IMMP2L: variants seen among roughly 807,000 people sequenced by gnomAD.
The protein encoded by IMMP2L is inner mitochondrial membrane peptidase subunit 2.
IMMP2L carries 18 observed loss-of-function variants against 19.3 expected under a neutral mutation model. That is an observed-to-expected ratio of 0.93 (90% CI 0.64 to 1.38). IMMP2L has a LOEUF of 1.38. Among genes scored for constraint, IMMP2L ranks in the 40% most tolerant of loss-of-function variants. The pLI, the probability that IMMP2L is intolerant of heterozygous loss-of-function variation, is 0.00. For synonymous variants in IMMP2L, 76 were observed against 73.0 expected (o/e 1.04, Z -0.21); for missense variants, 233 against 218.2 (o/e 1.07, Z -0.43).
At position 110,689,515 on chromosome 7, in the gene IMMP2L, A is replaced by G. The variant is rs191796486; in HGVS notation, c.409-25794T>C. Among the ~76,000 whole-genome samples the G allele has an allele frequency of 2.6e-5, 4 of 152,134 alleles. No homozygotes were observed. In the East Asian group the frequency reaches 7.8e-4, roughly 29 times the overall value. On this transcript the variant is annotated intron_variant, in intron 5 of 5. Transcript: ENST00000405709. The stretch of plus-strand genomic sequence containing the variant: ...TTGAGTTTTAATTTCAAACTGCTAT[A>G]TTTTTCATTTCTAAAAGTCAGCTTT...
intron 3 of IMMP2L, 114 bp downstream of exon 3, chr7:111,487,124 A>G (rs1268338552): frequency 3.8e-6 from 2 of 522,624 alleles, no homozygotes; most frequent in East Asian, 5.9e-5. Flanking sequence ...ATTGTATTTA[A>G]CATGTATTCA....
intron 3 of IMMP2L, among the ~76,000 whole-genome samples, chr7:111,009,657 G>T (rs1460845493): frequency 6.6e-5 from 10 of 151,870 alleles, no homozygotes; most frequent in African/African-American, 2.4e-4. Flanking sequence ...TTTATTTTTT[G>T]TTTTTGTTTT....
At chr7:111,338,334 CT>C (rs946402225) in intron 3 of IMMP2L, among the ~76,000 whole-genome samples, 4 of 152,008 alleles carry the variant, frequency 2.6e-5, no homozygotes, top group East Asian at 1.9e-4. Context: ...TCCTCCCCCC[CT>C]TTTTTTGCTA....
intron 3 of IMMP2L, among the ~76,000 whole-genome samples, chr7:111,140,766 C>T (rs564538929): frequency 2.5e-4 from 38 of 152,298 alleles, no homozygotes; most frequent in African/African-American, 8.9e-4. Context: ...TAATTCCATG[C>T]TATCCCCCAA....
At chr7:110,664,625 G>C (rs1034042315) in intron 5 of IMMP2L, among the ~76,000 whole-genome samples, 2 of 152,002 alleles carry the variant, frequency 1.3e-5, no homozygotes, top group Non-Finnish European at 2.9e-5. Flanking sequence ...GGCAGATCAG[G>C]GTCTTATCTT....
At chr7:111,292,622 C>G (rs924302394) in intron 3 of IMMP2L, among the ~76,000 whole-genome samples, 3 of 151,994 alleles carry the variant, frequency 2.0e-5, no homozygotes, top group Admixed American at 2.0e-4. Context: ...AGGCTAAAGA[C>G]TGTCATCTAG....
intron 3 of IMMP2L, among the ~76,000 whole-genome samples, chr7:111,410,171 T>G (rs1231432548): frequency 6.6e-6 from 1 of 151,712 alleles, no homozygotes. Flanking sequence ...AGTTATAAAG[T>G]GAACAATTCC....
At chr7:111,270,387 A>G (rs993667428) in intron 3 of IMMP2L, among the ~76,000 whole-genome samples, 3 of 152,188 alleles carry the variant, frequency 2.0e-5, no homozygotes, top group Admixed American at 2.0e-4. Context: ...ATTCTTGAAC[A>G]TAGTGACAGA....
chr7:111,026,331 T>C (rs1312965388), intron 3 of IMMP2L, among the ~76,000 whole-genome samples: 2 of 152,150 alleles, frequency 1.3e-5, no homozygotes, highest in African/African-American at 2.4e-5. Flanking sequence ...CTGGCAGCTC[T>C]ATCTAAGATG....
chr7:110,866,268 CAGAA>C (rs1807970086), intron 5 of IMMP2L, among the ~76,000 whole-genome samples: 1 of 151,752 alleles, frequency 6.6e-6, no homozygotes, highest in Non-Finnish European at 1.5e-5. Flanking sequence ...GCCTCGGTGA[CAGAA>C]AGAGAAATGG....
intron 3 of IMMP2L, among the ~76,000 whole-genome samples, chr7:111,157,069 G>C (rs999234463): frequency 6.6e-6 from 1 of 151,932 alleles, no homozygotes; most frequent in Admixed American, 6.6e-5. Flanking sequence ...AAAACATAAG[G>C]CATTAACAAA....
At chr7:111,219,799 G>A (rs1265202208) in intron 3 of IMMP2L, among the ~76,000 whole-genome samples, 1 of 151,746 alleles carries the variant, frequency 6.6e-6, no homozygotes, top group Non-Finnish European at 1.5e-5. Flanking sequence ...TTGTTAACCT[G>A]TTTCTATTGT....
At chr7:110,897,393 T>C (rs892293887) in intron 4 of IMMP2L, among the ~76,000 whole-genome samples, 2 of 152,124 alleles carry the variant, frequency 1.3e-5, no homozygotes, top group Admixed American at 6.6e-5. Context: ...AATTCACTAG[T>C]AGTCAGGAAA....
At chr7:110,794,572 T>C (rs1800730083) in intron 5 of IMMP2L, among the ~76,000 whole-genome samples, 1 of 152,112 alleles carries the variant, frequency 6.6e-6, no homozygotes, top group Non-Finnish European at 1.5e-5. Context: ...TTAAGACATT[T>C]AGGATATTAA....
intron 3 of IMMP2L, among the ~76,000 whole-genome samples, chr7:111,339,368 C>T (rs950487533): frequency 6.6e-6 from 1 of 151,714 alleles, no homozygotes; most frequent in Non-Finnish European, 1.5e-5. Context: ...TGAAATAATT[C>T]CTTCCACTTG....
chr7:111,096,516 A>C (rs543943490), intron 3 of IMMP2L, among the ~76,000 whole-genome samples: 1 of 151,370 alleles, frequency 6.6e-6, no homozygotes, highest in South Asian at 2.1e-4. Context: ...TTTAAAAAAA[A>C]AAAAACAAAA....
At chr7:110,772,233 G>C (rs530136730) in intron 5 of IMMP2L, among the ~76,000 whole-genome samples, 2 of 152,232 alleles carry the variant, frequency 1.3e-5, no homozygotes, top group South Asian at 4.1e-4. Flanking sequence ...CATTGAGAAT[G>C]GTGATCCATG....
intron 4 of IMMP2L, among the ~76,000 whole-genome samples, chr7:110,926,653 T>C (rs1814891387): frequency 6.6e-6 from 1 of 152,144 alleles, no homozygotes; most frequent in African/African-American, 2.4e-5. Flanking sequence ...TTTAGTCCAT[T>C]TGAAACCTGT....
intron 5 of IMMP2L, among the ~76,000 whole-genome samples, chr7:110,773,897 C>T (rs1349595293): frequency 7.5e-6 from 1 of 132,782 alleles, no homozygotes; most frequent in African/African-American, 3.0e-5. Flanking sequence ...CAAATCATGA[C>T]ATTGGGTAAA....
Sources: gnomAD v4.1 joint callset for allele counts (sites outside exome capture counted in the v4.1 genomes callset) on GRCh38, gnomAD v4.1.1 for gene constraint, MANE v1.5 for transcripts, NCBI Gene and HGNC (gene_info 2026-07-23, HGNC 2026-07-21) for gene names.